CCDC3: variants seen among roughly 807,000 people sequenced by gnomAD.
CCDC3 encodes the protein coiled-coil domain containing 3, also known as coiled-coil domain-containing protein 3.
Under a neutral mutation model 21.4 loss-of-function variants are expected in CCDC3, and 24 were observed. The ratio of observed to expected loss-of-function variants is 1.12; its 90% CI spans 0.81 to 1.58. CCDC3 has a LOEUF of 1.58. Ranked by LOEUF, CCDC3 falls within the 40% of genes most tolerant of loss-of-function variation. CCDC3 has a pLI of 0.00. For synonymous variants in CCDC3, 186 were observed against 166.0 expected (o/e 1.12, Z -0.93); for missense variants, 425 against 360.9 (o/e 1.18, Z -1.44).
intron 2 of CCDC3, among the ~76,000 whole-genome samples, chr10:12,907,127 C>G (rs960017630): frequency 1.3e-5 from 2 of 152,180 alleles, no homozygotes; most frequent in Admixed American, 6.5e-5. Context: ...CTGACTCTCT[C>G]CCAGACTGAG....
chr10:12,954,142 A>G (rs1277563260), intron 2 of CCDC3, among the ~76,000 whole-genome samples: 1 of 152,236 alleles, frequency 6.6e-6, no homozygotes, highest in Non-Finnish European at 1.5e-5. Context: ...TAACTAGTTG[A>G]TCAGATGTAG....
At chr10:12,994,329 CAG>C (rs1835724653) in intron 2 of CCDC3, among the ~76,000 whole-genome samples, 1 of 151,390 alleles carries the variant, frequency 6.6e-6, no homozygotes, top group Non-Finnish European at 1.5e-5. Context: ...ACCTGGGAGA[CAG>C]AGGCTGCAGT....
intron 2 of CCDC3, among the ~76,000 whole-genome samples, chr10:12,929,420 C>G (rs960413959): frequency 5.9e-5 from 9 of 152,108 alleles, no homozygotes; most frequent in African/African-American, 2.2e-4. Flanking sequence ...CTGATGAGGG[C>G]CTTTCACAGA....
In CCDC3 at chr10:12,898,446, C is replaced by A. The variant is rs1238674753; in HGVS notation, c.783G>T (p.Gly261=). 1.9e-6 allele frequency: 3 copies of A among 1,607,134 alleles called. No homozygotes were observed. The highest frequency in any genetic ancestry group is 2.7e-5 in the African/African-American group (2 of 74,680). The change falls in exon 3 of 3, where the codon GGG becomes GGT. Residue 261 remains glycine (G), a synonymous_variant. Transcript: ENST00000378825. The part of the protein sequence containing the change: ...AGALPHINAR[G]PVRPPYLRG ...CCCGCAGGTAGGGGGGGCGCACGGG[C>A]CCCCGGGCATTGATGTGCGGCAGCG...
Position 12,998,370 on chromosome 10 carries a change from A to T in CCDC3, c.517T>A (p.Ser173Thr). ...CSQGQQLATF[S>T]SDWEIQEDSR... is the part of the protein sequence containing the mutation. ...TCTTCCTGGATTTCCCAGTCACTGGAGAAAGTCGCCAGCTGCTGCCCTTGC... is the reference window on the plus strand; with the variant it reads ...TCTTCCTGGATTTCCCAGTCACTGGTGAAAGTCGCCAGCTGCTGCCCTTGC... Residue 173 changes from serine to threonine, a missense_variant, in exon 2 of 3, where the codon TCC becomes ACC. Physicochemically the swap from Ser to Thr is moderately conservative, Grantham distance 58. Transcript: ENST00000378825. 1 of 1,614,130 alleles carries T rather than the reference A, an allele frequency of 6.2e-7. No individual in the cohort carries two copies. Among genetic ancestry groups the T allele is most frequent in the Non-Finnish European group, 8.5e-7 (1 of 1,180,024 alleles).
chr10:12,950,052 C>A (rs1834984991), intron 2 of CCDC3, among the ~76,000 whole-genome samples: 1 of 152,204 alleles, frequency 6.6e-6, no homozygotes, highest in Non-Finnish European at 1.5e-5. Context: ...CTCATCTCTG[C>A]TGTCTCTTCT....
Position 12,986,217 on chromosome 10 carries a change from C to A in CCDC3, c.549+12121G>T, listed in dbSNP as rs1156423293. Among the ~76,000 whole-genome samples, 3 of 152,210 alleles carry A rather than the reference C, an allele frequency of 2.0e-5. No homozygotes were observed. In the South Asian group the frequency reaches 6.2e-4, roughly 32 times the overall value. ...AAAGTAATTACTTTTGTACATTTTA[C>A]AGTAAGATACATGTAATAAACTTGC... On this transcript the variant is annotated intron_variant, in intron 2 of 2. Transcript: ENST00000378825.
chr10:13,021,483 T>G (rs1433676492), intron 5 of CCDC3, among the ~76,000 whole-genome samples: 1 of 152,218 alleles, frequency 6.6e-6, no homozygotes, highest in East Asian at 1.9e-4. Context: ...AAGAGCTCTT[T>G]CCTGTGGCAG....
At chr10:12,938,149 G>T (rs1308360197) in intron 2 of CCDC3, among the ~76,000 whole-genome samples, 3 of 152,138 alleles carry the variant, frequency 2.0e-5, no homozygotes, top group Non-Finnish European at 4.4e-5. Context: ...GGAAGGAGGG[G>T]TTAGCATTTT....
At chr10:12,932,255 G>T (rs1833757802) in intron 2 of CCDC3, among the ~76,000 whole-genome samples, 1 of 152,078 alleles carries the variant, frequency 6.6e-6, no homozygotes, top group Admixed American at 6.6e-5. Context: ...CCTATGATGG[G>T]TTTATCAGGA....
In CCDC3 at chr10:13,078,151, A is replaced by G. The variant is rs182795221; in HGVS notation, c.-502-4051T>C. ...TATCCAGAATCTACAAAGAACTTAA[A>G]CAAATTTATAAGAAAAAAGCAAACA... is the stretch of plus-strand genomic sequence containing the variant. On this transcript the variant is annotated intron_variant, in intron 3 of 6. Transcript: ENST00000378839. Among the ~76,000 whole-genome samples, 661 of 152,342 alleles carry G rather than the reference A, an allele frequency of 4.3e-3. 4 individuals are homozygous for G. Among genetic ancestry groups the G allele is most frequent in the African/African-American group, 0.015 (636 of 41,586 alleles).
At chr10:13,085,384 T>C (rs780380739) in intron 3 of CCDC3, among the ~76,000 whole-genome samples, 1 of 152,238 alleles carries the variant, frequency 6.6e-6, no homozygotes, top group Non-Finnish European at 1.5e-5. Flanking sequence ...CAGTTTCTTC[T>C]GCTAACAACA....
intron 4 of CCDC3, among the ~76,000 whole-genome samples, chr10:13,051,475 G>A (rs184422008): frequency 6.6e-6 from 1 of 152,288 alleles, no homozygotes; most frequent in Non-Finnish European, 1.5e-5. Flanking sequence ...TAAAGTCACC[G>A]TGCACACTGA....
chr10:12,994,703 G>A (rs1273085494), intron 2 of CCDC3, among the ~76,000 whole-genome samples: 1 of 152,126 alleles, frequency 6.6e-6, no homozygotes, highest in Non-Finnish European at 1.5e-5. Context: ...ATAACATGGT[G>A]TATTTATCCT....
intron 2 of CCDC3, among the ~76,000 whole-genome samples, chr10:12,982,264 T>C (rs1835510055): frequency 6.6e-6 from 1 of 151,324 alleles, no homozygotes; most frequent in African/African-American, 2.4e-5. Context: ...ACATACTGCA[T>C]GATTCCACTT....
At chr10:13,072,411 G>A (rs1836895090) in intron 4 of CCDC3, among the ~76,000 whole-genome samples, 1 of 152,188 alleles carries the variant, frequency 6.6e-6, no homozygotes, top group Non-Finnish European at 1.5e-5. Flanking sequence ...GGGGGAATAA[G>A]ACAGCCAAAT....
At chr10:13,070,682 T>C (rs551892732) in intron 4 of CCDC3, among the ~76,000 whole-genome samples, 2 of 152,324 alleles carry the variant, frequency 1.3e-5, no homozygotes, top group Non-Finnish European at 2.9e-5. Context: ...AAGGTCTTAT[T>C]TGAGATTCTC....
chr10:12,977,974 G>A (rs929806366), intron 2 of CCDC3, among the ~76,000 whole-genome samples: 30 of 152,026 alleles, frequency 2.0e-4, no homozygotes, highest in African/African-American at 6.5e-4. Flanking sequence ...TGTGGTTTAA[G>A]GGACCACATG....
intron 2 of CCDC3, among the ~76,000 whole-genome samples, chr10:12,937,086 C>T (rs1834751033): frequency 6.7e-6 from 1 of 149,436 alleles, no homozygotes; most frequent in South Asian, 2.1e-4. Context: ...TGGGGGCCGG[C>T]CAATGGCTGG....
Sources: allele counts gnomAD v4.1 joint callset (sites outside exome capture counted in the v4.1 genomes callset), GRCh38; gene constraint gnomAD v4.1.1; transcripts MANE v1.5; gene names NCBI Gene and HGNC (gene_info 2026-07-23, HGNC 2026-07-21).